Variants in SPPL3 observed in about 807,000 individuals in gnomAD.
SPPL3 encodes signal peptide peptidase like 3, also known as signal peptide peptidase-like 3.
A neutral mutation model predicts 42.4 loss-of-function variants in SPPL3; 5 were observed. The observed-to-expected ratio is 0.12, with a 90% confidence interval of 0.06 to 0.25. The LOEUF is 0.25. Among genes scored for constraint, SPPL3 ranks in the 10% least tolerant of loss-of-function variants. The probability of loss-of-function intolerance (pLI) is 1.00; values close to 1 mark genes in which losing one functional copy is unlikely to be tolerated. For synonymous variants in SPPL3, 195 were observed against 181.8 expected, an observed-to-expected ratio of 1.07 and a Z score of -0.58; for missense variants, 235 against 489.0, an observed-to-expected ratio of 0.48 and a Z score of 4.90.
chr12:120,876,634 A>AAAAAAAAAAAAAAAAAAG (rs1483322103), intron 1 of SPPL3, among the ~76,000 whole-genome samples: 1 of 148,616 alleles, frequency 6.7e-6, no homozygotes. Context: ...AAAAAAAAAA[A>AAAAAAAAAAAAAAAAAAG]AAGAAGAAAG....
intron 1 of SPPL3, among the ~76,000 whole-genome samples, chr12:120,848,388 T>C (rs574993): frequency 0.93 from 141,014 of 152,202 alleles, 65,671 homozygotes; most frequent in East Asian, 1. Context: ...AATCACAGAA[T>C]TAAGACCTCA....
intron 3 of SPPL3, among the ~76,000 whole-genome samples, chr12:120,789,886 C>T (rs912493167): frequency 3.5e-5 from 5 of 143,432 alleles, no homozygotes; most frequent in African/African-American, 1.3e-4. Context: ...TTCCACTGTA[C>T]GGACTGGCAC....
At chr12:120,879,221 C>G (rs1360163213) in intron 1 of SPPL3, among the ~76,000 whole-genome samples, 1 of 151,456 alleles carries the variant, frequency 6.6e-6, no homozygotes, top group East Asian at 1.9e-4. Flanking sequence ...ACATGCAATT[C>G]ACCTCTGGAA....
chr12:120,830,619 A>C, intron 1 of SPPL3, among the ~76,000 whole-genome samples: 1 of 87,312 alleles, frequency 1.1e-5, no homozygotes, highest in Non-Finnish European at 2.5e-5. Flanking sequence ...GTGTACATGC[A>C]TATGTTGGGG....
chr12:120,854,901 T>C (rs12831094), intron 1 of SPPL3, among the ~76,000 whole-genome samples: 62,586 of 152,102 alleles, frequency 0.41, 14,489 homozygotes, highest in Middle Eastern at 0.56. Context: ...AATATTCTTA[T>C]ATTTATGACA....
chr12:120,892,412 C>G lies in SPPL3; in HGVS notation c.23+11433G>C, dbSNP rs1343246590. ...TCTCCTGCGCCAATCAGAAAGAAGG[C>G]TCCACAGCAAGGGGAAAACATTGCA... On this transcript the variant is annotated intron_variant, in intron 1 of 10. Coordinates refer to ENST00000353487, the MANE Select transcript of SPPL3 (RefSeq NM_139015.5). Among the ~76,000 whole-genome samples the G allele has an allele frequency of 2.0e-5, 3 of 152,134 alleles. No individual in the cohort carries two copies. In the South Asian group the frequency reaches 6.2e-4, roughly 32 times the overall value.
At chr12:120,768,748 T>A (rs1350396044) in intron 7 of SPPL3, 1 of 613,306 alleles carries the variant, frequency 1.6e-6, no homozygotes, top group Non-Finnish European at 2.8e-6. Context: ...ATCCTAGGAG[T>A]CACACACACA....
chr12:120,788,595 G>T (rs753552264), intron 3 of SPPL3, among the ~76,000 whole-genome samples: 7 of 152,064 alleles, frequency 4.6e-5, no homozygotes, highest in Non-Finnish European at 7.4e-5. Context: ...GCATGTAATC[G>T]TAAGAGTAAC....
chr12:120,776,667 C>A (rs938926735), intron 6 of SPPL3, among the ~76,000 whole-genome samples: 2 of 151,988 alleles, frequency 1.3e-5, no homozygotes, highest in Non-Finnish European at 2.9e-5. Flanking sequence ...GGTAGAAAGA[C>A]CACACTGCTT....
At chr12:120,768,256 G>T in intron 8 of SPPL3, 69 bp downstream of exon 8, 2 of 1,532,886 alleles carry the variant, frequency 1.3e-6, no homozygotes, top group Non-Finnish European at 1.8e-6. Context: ...TGACATTAGA[G>T]ACTGATCAAG....
At chr12:120,885,849 CTTTTTTTTTTT>C (rs142907503) in intron 1 of SPPL3, among the ~76,000 whole-genome samples, 1 of 121,620 alleles carries the variant, frequency 8.2e-6, no homozygotes, top group African/African-American at 3.1e-5. Context: ...AACATTAAAA[CTTTTTTTTTTT>C]TTTTTTTTTT....
At chr12:120,852,752 T>TC (rs1872283803) in intron 1 of SPPL3, among the ~76,000 whole-genome samples, 2 of 73,390 alleles carry the variant, frequency 2.7e-5, no homozygotes, top group South Asian at 6.3e-4. Flanking sequence ...ATATTTCATA[T>TC]ATTATATCTA....
chr12:120,840,976 C>G (rs1871807457), intron 1 of SPPL3, among the ~76,000 whole-genome samples: 1 of 151,654 alleles, frequency 6.6e-6, no homozygotes, highest in Non-Finnish European at 1.5e-5. Flanking sequence ...AAATAAATAA[C>G]CATAGAATTC....
At chr12:120,807,973 G>A (rs1870555606) in intron 2 of SPPL3, among the ~76,000 whole-genome samples, 1 of 151,962 alleles carries the variant, frequency 6.6e-6, no homozygotes, top group African/African-American at 2.4e-5. Context: ...AAGGTTCTGA[G>A]CTGGAGGTCC....
At chr12:120,895,107 C>T (rs1873760849) in intron 1 of SPPL3, among the ~76,000 whole-genome samples, 1 of 152,014 alleles carries the variant, frequency 6.6e-6, no homozygotes, top group Non-Finnish European at 1.5e-5. Flanking sequence ...ATGAAGGAAA[C>T]TGTCTTCAAA....
intron 1 of SPPL3, among the ~76,000 whole-genome samples, chr12:120,823,764 T>A (rs1202367802): frequency 6.6e-6 from 1 of 152,238 alleles, no homozygotes; most frequent in Non-Finnish European, 1.5e-5. Flanking sequence ...GAGCTTCCCA[T>A]TATGATCCCC....
At chr12:120,884,404 T>A (rs1278250128) in intron 1 of SPPL3, among the ~76,000 whole-genome samples, 1 of 152,162 alleles carries the variant, frequency 6.6e-6, no homozygotes, top group Non-Finnish European at 1.5e-5. Context: ...GTGTAAAAAA[T>A]GATCTACAGT....
At chr12:120,858,631 T>C (rs1289804179) in intron 1 of SPPL3, among the ~76,000 whole-genome samples, 2 of 151,374 alleles carry the variant, frequency 1.3e-5, no homozygotes, top group Non-Finnish European at 1.5e-5. Flanking sequence ...TTAAAGAAAC[T>C]AGAAAGTAAA....
At chr12:120,893,036 A>G (rs1873692920) in intron 1 of SPPL3, among the ~76,000 whole-genome samples, 1 of 151,850 alleles carries the variant, frequency 6.6e-6, no homozygotes, top group South Asian at 2.1e-4. Context: ...TATACAAACC[A>G]AGAGAGACAA....
Sources: allele counts gnomAD v4.1 joint callset (sites outside exome capture counted in the v4.1 genomes callset), GRCh38; gene constraint gnomAD v4.1.1; transcripts MANE v1.5; gene names NCBI Gene and HGNC (gene_info 2026-07-23, HGNC 2026-07-21).